The following BNC2 variants were observed in gnomAD, a reference collection of about 807,000 sequenced individuals.
BNC2 encodes the protein zinc finger protein basonuclin-2.
In BNC2, 20 loss-of-function variants were observed where a neutral mutation model predicts 76.3. The observed-to-expected ratio is 0.26, with a 90% CI of 0.18 to 0.38. The LOEUF (loss-of-function observed/expected upper bound fraction) is 0.38, where lower values mean the gene tolerates loss of function less well. Among genes scored for constraint, BNC2 ranks in the 10% least tolerant of loss-of-function variants. The probability of loss-of-function intolerance (pLI) is 1.00; values close to 1 mark genes in which losing one functional copy is unlikely to be tolerated. For synonymous variants in BNC2, 582 were observed against 514.8 expected, an observed-to-expected ratio of 1.13 and a Z score of -1.77; for missense variants, 1,382 against 1,399.8, an observed-to-expected ratio of 0.99 and a Z score of 0.20.
intron 5 of BNC2, among the ~76,000 whole-genome samples, chr9:16,549,874 A>T (rs1818606126): frequency 6.6e-6 from 1 of 152,206 alleles, no homozygotes; most frequent in Admixed American, 6.5e-5. Flanking sequence ...CAATAAAACA[A>T]GACAGAAACT....
intron 1 of BNC2, among the ~76,000 whole-genome samples, chr9:16,785,577 T>A (rs942879743): frequency 5.0e-5 from 5 of 99,812 alleles, no homozygotes; most frequent in Non-Finnish European, 1.0e-4. Context: ...TTTTTTTTTT[T>A]AGTAGAGGTG....
At chr9:16,493,576 T>A (rs1822322545) in intron 5 of BNC2, among the ~76,000 whole-genome samples, 1 of 152,182 alleles carries the variant, frequency 6.6e-6, no homozygotes, top group Non-Finnish European at 1.5e-5. Context: ...CTCCAGTTAA[T>A]AAACATTTAA....
Position 16,436,058 on chromosome 9 carries a change from A to G in BNC2, c.2136T>C (p.Thr712=). Residue 712 remains threonine (T), a synonymous_variant, in exon 6 of 7, where the codon ACT becomes ACC. Coordinates refer to ENST00000380672, the MANE Select transcript of BNC2 (RefSeq NM_017637.6). ...CCCGCTCAGGTTCTTGGTCTTCAGA[A>G]GTCATGCTGTCGGCCCTCCTTATTT... is the stretch of plus-strand genomic sequence containing the variant. ...RTEIRRADSM[T]SEDQEPERDY... 6.2e-7 allele frequency: 1 copy of G among 1,614,154 alleles called. No individual in the cohort carries two copies. The highest frequency in any genetic ancestry group is 8.5e-7 in the Non-Finnish European group (1 of 1,180,044).
At chr9:16,526,788 A>G (rs1304942648) in intron 5 of BNC2, among the ~76,000 whole-genome samples, 1 of 152,174 alleles carries the variant, frequency 6.6e-6, no homozygotes, top group Non-Finnish European at 1.5e-5. Context: ...TTGAGATTCT[A>G]TGACACTCCC....
chr9:16,794,610 C>T (rs947778682), intron 1 of BNC2, among the ~76,000 whole-genome samples: 2 of 152,108 alleles, frequency 1.3e-5, no homozygotes, highest in African/African-American at 4.8e-5. Context: ...AACACTCCAC[C>T]ATTAGACAAA....
chr9:16,772,098 A>G (rs1175563528), intron 1 of BNC2, among the ~76,000 whole-genome samples: 3 of 152,230 alleles, frequency 2.0e-5, no homozygotes, highest in Admixed American at 6.5e-5. Context: ...GACTGATAAC[A>G]GGTTTTTCCT....
chr9:16,487,032 T>A (rs1822178993), intron 5 of BNC2, among the ~76,000 whole-genome samples: 1 of 152,248 alleles, frequency 6.6e-6, no homozygotes, highest in South Asian at 2.1e-4. Context: ...ATCTCATTTT[T>A]GCCTTTTAAA....
chr9:16,544,591 G>C (rs916376405), intron 5 of BNC2, among the ~76,000 whole-genome samples: 12 of 152,100 alleles, frequency 7.9e-5, no homozygotes, highest in African/African-American at 2.9e-4. Context: ...GCCGAGGTGA[G>C]TGGTTCACTT....
At chr9:16,667,107 A>G (rs868134181) in intron 3 of BNC2, among the ~76,000 whole-genome samples, 76 of 144,918 alleles carry the variant, frequency 5.2e-4, no homozygotes, top group African/African-American at 1.5e-3. Context: ...ACACACACAC[A>G]CGCACACACG....
intron 4 of BNC2, among the ~76,000 whole-genome samples, chr9:16,559,053 A>G (rs565191900): frequency 4.3e-4 from 66 of 152,342 alleles, no homozygotes; most frequent in African/African-American, 1.5e-3. Context: ...AGTATTCTAA[A>G]CAATTTCACA....
chr9:16,642,092 C>G (rs1323249605), intron 3 of BNC2, among the ~76,000 whole-genome samples: 3 of 152,180 alleles, frequency 2.0e-5, no homozygotes, highest in Non-Finnish European at 4.4e-5. Flanking sequence ...AGTAGTGACC[C>G]TTCTTCTAAA....
chr9:16,641,102 A>G (rs1249839486), intron 3 of BNC2, among the ~76,000 whole-genome samples: 1 of 152,208 alleles, frequency 6.6e-6, no homozygotes, highest in African/African-American at 2.4e-5. Flanking sequence ...TGGAAAATAC[A>G]AAGAATGAAG....
intron 5 of BNC2, among the ~76,000 whole-genome samples, chr9:16,535,827 G>T (rs886409147): frequency 2.6e-5 from 4 of 152,106 alleles, no homozygotes; most frequent in African/African-American, 9.7e-5. Context: ...GAAGCAAGTA[G>T]ACACTTTAGA....
At chr9:16,503,430 T>TACTC (rs111763556) in intron 5 of BNC2, among the ~76,000 whole-genome samples, 3 of 152,302 alleles carry the variant, frequency 2.0e-5, no homozygotes, top group Admixed American at 6.5e-5. Context: ...TACTCATTTT[T>TACTC]GTTTCCCTAA....
At chr9:16,863,224 T>C (rs1435620305) in intron 1 of BNC2, among the ~76,000 whole-genome samples, 1 of 151,998 alleles carries the variant, frequency 6.6e-6, no homozygotes, top group Non-Finnish European at 1.5e-5. Context: ...CATCTCAATA[T>C]ATTCTACACA....
At chr9:16,559,920 A>G (rs1485104491) in intron 4 of BNC2, among the ~76,000 whole-genome samples, 1 of 152,228 alleles carries the variant, frequency 6.6e-6, no homozygotes, top group African/African-American at 2.4e-5. Flanking sequence ...TAAATGCCAT[A>G]AAAAAGATTT....
chr9:16,785,452 T>C (rs1201243318), intron 1 of BNC2, among the ~76,000 whole-genome samples: 1 of 152,090 alleles, frequency 6.6e-6, no homozygotes, highest in Non-Finnish European at 1.5e-5. Context: ...CGGAGTGCAG[T>C]GGCTCGTTAT....
At chr9:16,728,562 G>A (rs1048531107) in intron 2 of BNC2, among the ~76,000 whole-genome samples, 3 of 151,698 alleles carry the variant, frequency 2.0e-5, no homozygotes, top group Non-Finnish European at 4.4e-5. Flanking sequence ...TTACACTGAA[G>A]AAAGTAAAAT....
chr9:16,624,959 GA>G (rs1216389623), intron 3 of BNC2, among the ~76,000 whole-genome samples: 1 of 152,170 alleles, frequency 6.6e-6, no homozygotes, highest in Non-Finnish European at 1.5e-5. Context: ...AAAGTTAGAA[GA>G]GAGCACCTCG....
Sources: gnomAD v4.1 joint callset for allele counts (sites outside exome capture counted in the v4.1 genomes callset) on GRCh38, gnomAD v4.1.1 for gene constraint, MANE v1.5 for transcripts, NCBI Gene and HGNC (gene_info 2026-07-23, HGNC 2026-07-21) for gene names.